TMEM132D: variants seen among roughly 807,000 people sequenced by gnomAD.
TMEM132D encodes transmembrane protein 132D, also known as mature OL transmembrane protein.
In TMEM132D, 21 loss-of-function variants were observed where a neutral mutation model predicts 62.3. The ratio of observed to expected loss-of-function variants is 0.34; its 90% CI spans 0.24 to 0.49. The LOEUF (loss-of-function observed/expected upper bound fraction) is 0.49. TMEM132D is among the 20% of genes least tolerant of loss of function. The pLI is 0.99. For synonymous variants in TMEM132D, 621 were observed against 575.6 expected, an observed-to-expected ratio of 1.08 and a Z score of -1.13; for missense variants, 1,346 against 1,402.8, an observed-to-expected ratio of 0.96 and a Z score of 0.65.
intron 3 of TMEM132D, among the ~76,000 whole-genome samples, chr12:129,339,217 G>C (rs1013866709): frequency 9.2e-5 from 14 of 151,472 alleles, no homozygotes; most frequent in African/African-American, 3.2e-4. Flanking sequence ...CAGTGAGCTG[G>C]GATCACACCA....
At chr12:129,283,326 G>A (rs1037465788) in intron 4 of TMEM132D, among the ~76,000 whole-genome samples, 1 of 152,110 alleles carries the variant, frequency 6.6e-6, no homozygotes, top group African/African-American at 2.4e-5. Flanking sequence ...CCAGTAGCTG[G>A]GATTACAGGT....
intron 1 of TMEM132D, among the ~76,000 whole-genome samples, chr12:129,823,727 C>T (rs546383176): frequency 1.3e-3 from 191 of 152,298 alleles, no homozygotes; most frequent in African/African-American, 3.9e-3. Context: ...AACAAATTTG[C>T]GGCTCTATCA....
chr12:129,772,827 G>T (rs1870798477), intron 1 of TMEM132D, among the ~76,000 whole-genome samples: 1 of 152,232 alleles, frequency 6.6e-6, no homozygotes, highest in Admixed American at 6.5e-5. Context: ...GACCTGTGAG[G>T]GCGGAAGCTG....
At chr12:129,238,964 CTCCTCA>C (rs1193391987) in intron 4 of TMEM132D, among the ~76,000 whole-genome samples, 6 of 150,926 alleles carry the variant, frequency 4.0e-5, no homozygotes, top group African/African-American at 7.3e-5. Flanking sequence ...CTTTCAGTCT[CTCCTCA>C]TCCTCATCAA....
chr12:129,458,765 G>A (rs1275585855), intron 3 of TMEM132D, among the ~76,000 whole-genome samples: 3 of 152,124 alleles, frequency 2.0e-5, no homozygotes, highest in Non-Finnish European at 2.9e-5. Context: ...CCGATGCGCC[G>A]AAGACAGGGA....
intron 3 of TMEM132D, among the ~76,000 whole-genome samples, chr12:129,490,419 T>C (rs1874733687): frequency 1.9e-5 from 2 of 107,430 alleles, no homozygotes; most frequent in South Asian, 6.4e-4. Context: ...CATAATTTCC[T>C]TTCCTTTTTT....
intron 3 of TMEM132D, among the ~76,000 whole-genome samples, chr12:129,463,198 G>A (rs1223569959): frequency 6.6e-6 from 1 of 152,156 alleles, no homozygotes; most frequent in Non-Finnish European, 1.5e-5. Context: ...TATCTACTTA[G>A]AAGATGCAGG....
At chr12:129,286,946 G>T (rs951921529) in intron 4 of TMEM132D, among the ~76,000 whole-genome samples, 10 of 152,076 alleles carry the variant, frequency 6.6e-5, no homozygotes, top group Non-Finnish European at 1.3e-4. Context: ...TACTTGGAAG[G>T]CTGAGGCACG....
chr12:129,136,146 A>G (rs1876550529), intron 5 of TMEM132D, among the ~76,000 whole-genome samples: 3 of 152,222 alleles, frequency 2.0e-5, no homozygotes, highest in Admixed American at 1.3e-4. Flanking sequence ...ACCACTTTTT[A>G]TAATTTTGAA....
At chr12:129,318,552 G>A (rs1414471604) in intron 4 of TMEM132D, among the ~76,000 whole-genome samples, 1 of 152,140 alleles carries the variant, frequency 6.6e-6, no homozygotes, top group South Asian at 2.1e-4. Context: ...AGGTGGCAGG[G>A]GTGTGCAATG....
chr12:129,511,394 C>T (rs1272618289), intron 3 of TMEM132D, among the ~76,000 whole-genome samples: 1 of 152,058 alleles, frequency 6.6e-6, no homozygotes, highest in Admixed American at 6.6e-5. Context: ...AATCTTATTC[C>T]ATTTATGGAT....
chr12:129,452,390 T>C (rs1873321483), intron 3 of TMEM132D, among the ~76,000 whole-genome samples: 1 of 152,216 alleles, frequency 6.6e-6, no homozygotes, highest in Admixed American at 6.5e-5. Context: ...AGCTGCTGTT[T>C]CATCTTCCGT....
At chr12:129,864,392 C>G (rs1873994129) in intron 1 of TMEM132D, among the ~76,000 whole-genome samples, 1 of 152,318 alleles carries the variant, frequency 6.6e-6, no homozygotes, top group Admixed American at 6.5e-5. Flanking sequence ...TGTAACTATC[C>G]TGCTTTAAGT....
intron 2 of TMEM132D, among the ~76,000 whole-genome samples, chr12:129,645,770 G>C (rs207473535): frequency 2.6e-5 from 4 of 152,256 alleles, no homozygotes; most frequent in Admixed American, 2.6e-4. Flanking sequence ...AGATGGTGAC[G>C]GAGTGACCTC....
At chr12:129,616,799 G>A (rs966706271) in intron 2 of TMEM132D, among the ~76,000 whole-genome samples, 4 of 152,150 alleles carry the variant, frequency 2.6e-5, no homozygotes, top group South Asian at 2.1e-4. Flanking sequence ...TCTCGGGTAC[G>A]TCTTCATTAG....
At chr12:129,327,594 T>A (rs1032792772) in intron 4 of TMEM132D, among the ~76,000 whole-genome samples, 3 of 152,194 alleles carry the variant, frequency 2.0e-5, no homozygotes, top group Non-Finnish European at 2.9e-5. Context: ...ACATTTGCTC[T>A]CTGCTGTTCA....
intron 2 of TMEM132D, among the ~76,000 whole-genome samples, chr12:129,664,628 T>A (rs1255444946): frequency 6.6e-6 from 1 of 151,972 alleles, no homozygotes; most frequent in Admixed American, 6.6e-5. Context: ...GGTTTCACCG[T>A]GTTAGCCAGG....
At chr12:129,429,318 T>C (rs2135715155) in intron 3 of TMEM132D, among the ~76,000 whole-genome samples, 1 of 152,322 alleles carries the variant, frequency 6.6e-6, no homozygotes, top group Non-Finnish European at 1.5e-5. Context: ...GAAACCACTC[T>C]AGTAGTGTAA....
At chr12:129,580,856 A>G (rs1271472032) in intron 2 of TMEM132D, among the ~76,000 whole-genome samples, 1 of 152,212 alleles carries the variant, frequency 6.6e-6, no homozygotes, top group African/African-American at 2.4e-5. Context: ...GGAGTCTGAT[A>G]TGGAACTCTA....
Sources: allele counts gnomAD v4.1 joint callset (sites outside exome capture counted in the v4.1 genomes callset), GRCh38; gene constraint gnomAD v4.1.1; transcripts MANE v1.5; gene names NCBI Gene and HGNC (gene_info 2026-07-23, HGNC 2026-07-21).